CRLF1: variants seen among roughly 807,000 people sequenced by gnomAD.
CRLF1 encodes cytokine receptor-like factor 1.
Under a neutral mutation model 48.9 loss-of-function variants are expected in CRLF1, and 36 were observed. That is an observed-to-expected ratio of 0.74 (90% CI 0.56 to 0.97). The LOEUF is 0.97. CRLF1 is among the 50% of genes least tolerant of loss of function. The pLI is 0.00. For missense variants in CRLF1, 534 were observed against 575.1 expected (o/e 0.93, Z 0.73); for synonymous variants, 256 against 253.4 (o/e 1.01, Z -0.10).
Position 18,596,877 on chromosome 19 carries a change from G to A in CRLF1, c.855+15C>T, listed in dbSNP as rs1263323387. 13 of 1,613,904 alleles carry A rather than the reference G, an allele frequency of 8.1e-6. No individual in the cohort carries two copies. The highest frequency in any genetic ancestry group is 1.1e-5 in the Non-Finnish European group (13 of 1,180,022). On this transcript the variant is annotated intron_variant, in intron 5 of 8. Transcript: ENST00000392386. ...TGGAAGGAACAGGGGCGGAGTCAGG[G>A]AAGGGGAGGGTCACCTTCCAGTCCA...
intron 2 of CRLF1, 120 bp from the exon 3 acceptor site, chr19:18,599,021 C>T (rs938318257): frequency 6.5e-7 from 1 of 1,547,592 alleles, no homozygotes; most frequent in East Asian, 2.3e-5. Context: ...GCAGACAGGA[C>T]AGTCTCAGCC....
intron 6 of CRLF1, 42 bp from the exon 7 acceptor site, chr19:18,594,476 G>A: frequency 7.7e-7 from 1 of 1,295,994 alleles, no homozygotes; most frequent in South Asian, 2.4e-5. Flanking sequence ...GCGCCCGGCA[G>A]GGGGTGCGCG....
chr19:18,594,029 T>TTCGTGGG, intron 8 of CRLF1, 36 bp downstream of exon 8: 8 of 1,366,600 alleles, frequency 5.9e-6, no homozygotes, highest in South Asian at 1.2e-5. Flanking sequence ...GCCCTCCCCT[T>TTCGTGGG]GCTCCCTCCC....
rs1391740804 is a variant in CRLF1 at position 18,594,294 on chromosome 19, C to G, written c.1165G>C (p.Asp389His). The G allele has an allele frequency of 6.2e-7, 1 of 1,612,464 alleles. No individual in the cohort carries two copies. Among genetic ancestry groups the G allele is most frequent in the Non-Finnish European group, 8.5e-7 (1 of 1,179,876 alleles). The change falls in exon 7 of 9, where the codon GAC (aspartate) becomes CAC (histidine). Residue 389 changes from aspartate to histidine, a missense_variant. By Grantham distance (81) the Asp-to-His change is moderately conservative. This residue lies in a region of CRLF1 where 528 missense variants were observed against 555.7 expected (regional missense o/e 0.95). Coordinates refer to ENST00000392386, the MANE Select transcript of CRLF1 (RefSeq NM_004750.5). ...TTCTGCATCCAGGCTCGCCACTGGT[C>G]GTAGAGGCGGAAGCTGAGGTTGGAG... is the stretch of plus-strand genomic sequence containing the variant. ...YCSNLSFRLY[D>H]QWRAWMQKSH...
At position 18,599,696 on chromosome 19, in the gene CRLF1, CG is replaced by C. The variant is rs1375256118; in HGVS notation, c.265del (p.Arg89ValfsTer60). 2 of 1,611,734 alleles carry C rather than the reference CG, an allele frequency of 1.2e-6. No homozygotes were observed. Among genetic ancestry groups the C allele is most frequent in the African/African-American group, 2.7e-5 (2 of 74,912 alleles). The part of the protein sequence containing the change: ...NGRRLPPELS[R>X]VLNASTLALA... ...AGCCAAGGTGGAGGCGTTGAGTACA[CG>C]GGAGAGCTCAGGGGGCAGGCGGCGC... On this transcript the variant is annotated frameshift_variant, in exon 2 of 9. Coordinates refer to ENST00000392386, the MANE Select transcript of CRLF1 (RefSeq NM_004750.5). LOFTEE classifies it high-confidence loss of function.
chr19:18,597,135 G>C (rs1257054300), intron 4 of CRLF1, 86 bp from the exon 5 acceptor site: 4 of 1,428,302 alleles, frequency 2.8e-6, no homozygotes, highest in Non-Finnish European at 3.8e-6. Flanking sequence ...ACTTGGCCTA[G>C]ATGGAACCTG....
At chr19:18,602,688 G>T (rs35614934) in intron 1 of CRLF1, among the ~76,000 whole-genome samples, 5 of 151,858 alleles carry the variant, frequency 3.3e-5, no homozygotes, top group African/African-American at 7.2e-5. Context: ...TTGTTTGAGA[G>T]GAGTGAAAAT....
chr19:18,605,974 C>T (rs1213616460), intron 1 of CRLF1, among the ~76,000 whole-genome samples: 1 of 152,070 alleles, frequency 6.6e-6, no homozygotes, highest in Non-Finnish European at 1.5e-5. Context: ...GGGGACTCCG[C>T]GGACCCCCGT....
chr19:18,597,007 C>G lies in CRLF1; in HGVS notation c.740G>C (p.Gly247Ala). The G allele has an allele frequency of 1.2e-6, 2 of 1,613,492 alleles. No homozygotes were observed. The highest frequency in any genetic ancestry group is 1.7e-6 in the Non-Finnish European group (2 of 1,179,932). The change falls in exon 5 of 9, where the codon GGG becomes GCG. Residue 247 changes from glycine (G) to alanine (A), a missense_variant. Gly to Ala is a moderately conservative substitution (Grantham distance 60, BLOSUM62 0). Coordinates refer to ENST00000392386, the MANE Select transcript of CRLF1 (RefSeq NM_004750.5). ...PPPDVHVSRV[G>A]GLEDQLSVRW... is the part of the protein sequence containing the mutation. ...CACGCTCAGCTGGTCCTCCAGGCCC[C>G]CGACGCGGCTCACGTGCACGTCGGG...
intron 4 of CRLF1, among the ~76,000 whole-genome samples, chr19:18,597,702 G>C (rs939868428): frequency 1.6e-4 from 24 of 152,034 alleles, no homozygotes; most frequent in Non-Finnish European, 3.4e-4. Context: ...AAAGTGCTGG[G>C]ATTACAGGTG....
At chr19:18,594,033 C>CA in intron 8 of CRLF1, 32 bp downstream of exon 8, 3 of 409,570 alleles carry the variant, frequency 7.3e-6, no homozygotes, top group South Asian at 1.9e-5. Context: ...TCCCCTTGCT[C>CA]CCTCCCGCCC....
chr19:18,599,128 CAA>C (rs1976184920), intron 2 of CRLF1: 3 of 985,118 alleles, frequency 3.0e-6, no homozygotes, highest in South Asian at 9.4e-5. Context: ...TTTTTCGAGG[CAA>C]AGTCTCGCTC....
At position 18,599,618 on chromosome 19, in the gene CRLF1, A is replaced by C. The variant is rs1425088576; in HGVS notation, c.344T>G (p.Val115Gly). 1 of 1,613,278 alleles carries C rather than the reference A, an allele frequency of 6.2e-7. No homozygotes were observed. The highest frequency in any genetic ancestry group is 1.3e-5 in the African/African-American group (1 of 74,942). Residue 115 changes from valine to glycine, a missense_variant, in exon 2 of 9, where the codon GTG becomes GGG. Coordinates refer to ENST00000392386, the MANE Select transcript of CRLF1 (RefSeq NM_004750.5). Reference sequence around the variant, plus strand: ...GATGCTGCCGTCACGGGCGTGGCACACGAGGTTGTCCCCCGACCGCTGCCT... The same window carrying C: ...GATGCTGCCGTCACGGGCGTGGCACCCGAGGTTGTCCCCCGACCGCTGCCT... ...GSRQRSGDNLVCHARDGSILA... is the reference protein window; with the variant it reads ...GSRQRSGDNLGCHARDGSILA...
intron 1 of CRLF1, among the ~76,000 whole-genome samples, chr19:18,605,023 C>T (rs190425300): frequency 6.6e-6 from 1 of 152,180 alleles, no homozygotes; most frequent in Admixed American, 6.5e-5. Context: ...AGACACTTTA[C>T]GACCCACCCG....
At chr19:18,600,341 G>A (rs979041015) in intron 1 of CRLF1, among the ~76,000 whole-genome samples, 1 of 146,746 alleles carries the variant, frequency 6.8e-6, no homozygotes, top group Non-Finnish European at 1.5e-5. Context: ...TGGGACTTCA[G>A]GTGTGCACCA....
chr19:18,606,516 G>A lies in CRLF1; in HGVS notation c.115+26C>T, dbSNP rs936181821. ...GCCCGCCCTCTGCTCTGGCAGGGGG[G>A]AAGGAGTGGGGCGCCGGGTACTCAC... On this transcript the variant is annotated intron_variant, in intron 1 of 8. Transcript: ENST00000392386. This position sits in a 1 kb window ranked among gnomAD's most constrained non-coding sequence, Gnocchi z 4.8. The A allele has an allele frequency of 2.6e-6, 3 of 1,155,126 alleles. No individual in the cohort carries two copies. The highest frequency in any genetic ancestry group is 2.1e-6 in the Non-Finnish European group (2 of 939,200). The allele number at this position is 1,155,126 out of a possible 1,614,324, so 71.6% of individuals were successfully genotyped here.
Position 18,597,431 on chromosome 19 carries a change from C to CTTTTTTTTT in CRLF1, c.698-391_698-383dup, listed in dbSNP as rs765610119. 3.3e-4 allele frequency among the ~76,000 whole-genome samples: 27 copies of CTTTTTTTTT among 81,614 alleles called. 2 individuals carry two copies. The highest frequency in any genetic ancestry group is 1.0e-3 in the African/African-American group (16 of 15,282). 53.5% of individuals were successfully genotyped at this position (81,614 alleles called of 152,430 possible). On this transcript the variant is annotated intron_variant, in intron 4 of 8. Coordinates refer to ENST00000392386, the MANE Select transcript of CRLF1 (RefSeq NM_004750.5). ...TCCCCACTCACACCTCCCTTCCACT[C>CTTTTTTTTT]TTTTTTTTTTTTTTTTGAGACGGAG...
At position 18,593,361 on chromosome 19, in the gene CRLF1, A is replaced by G; in HGVS notation, c.*205T>C. On this transcript the variant is annotated 3_prime_UTR_variant, in exon 9 of 9. Transcript: ENST00000392386. ...TCTAGGCAACTCAACCAACCCTCAC[A>G]CACACACACACACCCACTGGGGTGC... 1 of 638,330 alleles carries G rather than the reference A, an allele frequency of 1.6e-6. No individual in the cohort carries two copies. Among genetic ancestry groups the G allele is most frequent in the South Asian group, 2.0e-5 (1 of 49,050 alleles). The allele number at this position is 638,330 out of a possible 1,614,324, so 39.5% of individuals were successfully genotyped here.
chr19:18,593,933 G>C (rs1976090706), intron 8 of CRLF1, 132 bp downstream of exon 8: 2 of 1,479,202 alleles, frequency 1.4e-6, no homozygotes, highest in Middle Eastern at 2.4e-4. Flanking sequence ...AATAACAAAG[G>C]AAGAGGACGG....
Sources: allele counts gnomAD v4.1 joint callset (sites outside exome capture counted in the v4.1 genomes callset), GRCh38; gene constraint gnomAD v4.1.1; regional missense constraint gnomAD v4.1.1; non-coding constraint Gnocchi (gnomAD v3.1); transcripts MANE v1.5; gene names NCBI Gene and HGNC (gene_info 2026-07-23, HGNC 2026-07-21).